The following ERBB4 variants were observed in gnomAD, a reference collection of about 807,000 sequenced individuals.
ERBB4 encodes erb-b2 receptor tyrosine kinase 4.
Under a neutral mutation model 158.0 loss-of-function variants are expected in ERBB4, and 42 were observed. The ratio of observed to expected loss-of-function variants is 0.27; its 90% CI spans 0.21 to 0.34. The LOEUF (loss-of-function observed/expected upper bound fraction) is 0.34, where lower values mean the gene tolerates loss of function less well. Ranked by LOEUF, ERBB4 falls within the 10% of genes least tolerant of loss-of-function variation. The probability of loss-of-function intolerance (pLI) is 1.00; values close to 1 mark genes in which losing one functional copy is unlikely to be tolerated. For missense variants in ERBB4, 1,333 were observed against 1,624.1 expected, an observed-to-expected ratio of 0.82 and a Z score of 3.08; for synonymous variants, 583 against 558.7, an observed-to-expected ratio of 1.04 and a Z score of -0.61.
intron 7 of ERBB4, among the ~76,000 whole-genome samples, chr2:211,718,727 TAA>T (rs77737317): frequency 1.4e-5 from 2 of 140,364 alleles, no homozygotes; most frequent in African/African-American, 5.2e-5. Flanking sequence ...TATATAAAAC[TAA>T]AAAAAAAAAA....
chr2:211,565,214 A>T (rs2067512802), intron 19 of ERBB4, among the ~76,000 whole-genome samples: 1 of 152,234 alleles, frequency 6.6e-6, no homozygotes, highest in South Asian at 2.1e-4. Flanking sequence ...ACGATACAGC[A>T]CAACTGGGAA....
intron 3 of ERBB4, among the ~76,000 whole-genome samples, chr2:211,880,104 T>C (rs1290146315): frequency 6.6e-6 from 1 of 152,004 alleles, no homozygotes; most frequent in African/African-American, 2.4e-5. Context: ...CTCCTTGGTA[T>C]GTCCTCATAT....
At chr2:211,641,235 G>T (rs2125894109) in intron 16 of ERBB4, among the ~76,000 whole-genome samples, 1 of 152,064 alleles carries the variant, frequency 6.6e-6, no homozygotes, top group African/African-American at 2.4e-5. Context: ...AGAAAAATGT[G>T]GCTAAAGGGG....
At chr2:212,327,413 T>C (rs1348482099) in intron 1 of ERBB4, among the ~76,000 whole-genome samples, 3 of 152,026 alleles carry the variant, frequency 2.0e-5, no homozygotes, top group African/African-American at 7.2e-5. Flanking sequence ...TCACAAATAA[T>C]GAGTTATGGA....
At chr2:211,385,303 A>C (rs2062662070) in intron 27 of ERBB4, among the ~76,000 whole-genome samples, 2 of 152,132 alleles carry the variant, frequency 1.3e-5, no homozygotes, top group Admixed American at 1.3e-4. Context: ...AATTCTGTGA[A>C]AAAGAAGTAC....
chr2:211,990,292 A>C (rs936671765), intron 2 of ERBB4, among the ~76,000 whole-genome samples: 5 of 151,966 alleles, frequency 3.3e-5, no homozygotes, highest in Non-Finnish European at 7.4e-5. Flanking sequence ...TGGGGGGATT[A>C]AGATAGTTAG....
chr2:211,536,412 G>T (rs1399903944), intron 20 of ERBB4, among the ~76,000 whole-genome samples: 2 of 152,010 alleles, frequency 1.3e-5, no homozygotes, highest in African/African-American at 4.8e-5. Context: ...GACTCAAACT[G>T]TGGACATTAC....
intron 2 of ERBB4, among the ~76,000 whole-genome samples, chr2:212,112,490 C>A (rs2079442286): frequency 6.6e-6 from 1 of 150,888 alleles, no homozygotes; most frequent in African/African-American, 2.4e-5. Flanking sequence ...ACTGATTTTT[C>A]TAAAATCCTG....
chr2:211,615,303 T>C (rs531205619), intron 19 of ERBB4, among the ~76,000 whole-genome samples: 229 of 151,960 alleles, frequency 1.5e-3, no homozygotes, highest in Admixed American at 2.5e-3. Context: ...TCATTTCTTA[T>C]GTATGTGTTC....
intron 1 of ERBB4, among the ~76,000 whole-genome samples, chr2:212,380,731 A>G (rs945800282): frequency 1.3e-5 from 2 of 151,090 alleles, no homozygotes; most frequent in African/African-American, 4.8e-5. Context: ...CATCTTTATC[A>G]TTTATAATTA....
At chr2:212,532,796 T>C (rs1463359164) in intron 1 of ERBB4, among the ~76,000 whole-genome samples, 2 of 152,126 alleles carry the variant, frequency 1.3e-5, no homozygotes, top group African/African-American at 4.8e-5. Context: ...CCCCCTGGAG[T>C]TGTGCAAAGT....
chr2:212,145,752 G>C (rs1378609831), intron 1 of ERBB4, among the ~76,000 whole-genome samples: 1 of 116,004 alleles, frequency 8.6e-6, no homozygotes, highest in African/African-American at 3.1e-5. Flanking sequence ...AAAAAAAAAA[G>C]CCACTGGAGT....
rs2070414974 is a variant in ERBB4, at chr2:211,637,763, A to G, written c.1947-7169T>C. Among the ~76,000 whole-genome samples, 3 of 152,020 alleles carry G rather than the reference A, an allele frequency of 2.0e-5. 1 individual carries two copies. In the South Asian group the frequency reaches 6.2e-4, roughly 31 times the overall value. ...CCATATTAAATACAAGAAAATAGAA[A>G]AGATGCCTGGATAACATCAAATATA... On this transcript the variant is annotated intron_variant, in intron 16 of 27. Transcript: ENST00000342788.
intron 1 of ERBB4, among the ~76,000 whole-genome samples, chr2:212,341,544 TA>T (rs1186564020): frequency 6.6e-6 from 1 of 152,176 alleles, no homozygotes; most frequent in Non-Finnish European, 1.5e-5. Flanking sequence ...CTGATTATAA[TA>T]GTTGTTGATT....
In ERBB4 at chr2:212,021,410, A is replaced by T. The variant is rs545690940; in HGVS notation, c.235-73794T>A. ...GGAACAGAATAGAGAACTCAAAAATAAAACCACACATCTATAATCATCTGA... is the reference window on the plus strand; with the variant it reads ...GGAACAGAATAGAGAACTCAAAAATTAAACCACACATCTATAATCATCTGA... On this transcript the variant is annotated intron_variant, in intron 2 of 27. Coordinates refer to ENST00000342788, the MANE Select transcript of ERBB4 (RefSeq NM_005235.3). 1.8e-3 allele frequency among the ~76,000 whole-genome samples: 278 copies of T among 152,328 alleles called. 3 individuals are homozygous for T. Among genetic ancestry groups the T allele is most frequent in the Non-Finnish European group, 2.0e-3 (138 of 68,020 alleles).
At chr2:211,794,866 T>C (rs2076350201) in intron 3 of ERBB4, among the ~76,000 whole-genome samples, 2 of 151,908 alleles carry the variant, frequency 1.3e-5, no homozygotes, top group Admixed American at 1.3e-4. Flanking sequence ...GTATTCTCCC[T>C]GTGTTTTCTT....
At chr2:211,817,967 A>G (rs1201213027) in intron 3 of ERBB4, among the ~76,000 whole-genome samples, 1 of 152,168 alleles carries the variant, frequency 6.6e-6, no homozygotes, top group East Asian at 1.9e-4. Context: ...GAAGACAGAT[A>G]AGAACTCATA....
intron 1 of ERBB4, chr2:212,125,104 A>G (rs1213680985): frequency 3.3e-6 from 2 of 600,226 alleles, no homozygotes; most frequent in Admixed American, 5.1e-5. Context: ...TGTGCTAATC[A>G]CAGAGAGTAG....
intron 1 of ERBB4, among the ~76,000 whole-genome samples, chr2:212,268,238 A>G (rs947892797): frequency 6.6e-6 from 1 of 151,872 alleles, no homozygotes; most frequent in African/African-American, 2.4e-5. Flanking sequence ...AAGAATAGAA[A>G]TTGTTTTGAT....
Sources: allele counts gnomAD v4.1 joint callset (sites outside exome capture counted in the v4.1 genomes callset), GRCh38; gene constraint gnomAD v4.1.1; transcripts MANE v1.5; gene names NCBI Gene and HGNC (gene_info 2026-07-23, HGNC 2026-07-21).